The following SHANK2 variants were observed in gnomAD, a reference collection of about 807,000 sequenced individuals.
The protein encoded by SHANK2 is SH3 and multiple ankyrin repeat domains 2, also known as SH3 and multiple ankyrin repeat domains protein 2.
A neutral mutation model predicts 133.7 loss-of-function variants in SHANK2; 43 were observed. The observed-to-expected ratio is 0.32, with a 90% CI of 0.25 to 0.41. The LOEUF (loss-of-function observed/expected upper bound fraction) is 0.41. SHANK2 is among the 10% of genes least tolerant of loss of function. The pLI, the probability that SHANK2 is intolerant of heterozygous loss-of-function variation, is 1.00. For synonymous variants in SHANK2, 1,017 were observed against 952.8 expected (o/e 1.07, Z -1.24); for missense variants, 1,994 against 2,235.8 (o/e 0.89, Z 2.18).
chr11:70,857,575 G>A (rs949946558), intron 11 of SHANK2, among the ~76,000 whole-genome samples: 5 of 152,168 alleles, frequency 3.3e-5, no homozygotes, highest in Non-Finnish European at 5.9e-5. Context: ...GGAGGGCCAA[G>A]CCCTTGGGCA....
At chr11:70,936,713 G>C (rs1291872319) in intron 10 of SHANK2, among the ~76,000 whole-genome samples, 1 of 152,114 alleles carries the variant, frequency 6.6e-6, no homozygotes, top group African/African-American at 2.4e-5. Context: ...CAGGTTCATA[G>C]AGAGCTGGTG....
chr11:70,689,333 T>A (rs782594142), intron 15 of SHANK2, among the ~76,000 whole-genome samples: 4 of 152,098 alleles, frequency 2.6e-5, no homozygotes, highest in Non-Finnish European at 4.4e-5. Context: ...AATGGTCTAA[T>A]AGAGGAAATC....
Position 71,154,969 on chromosome 11 carries a change from G to A in SHANK2, c.-12-7631C>T, listed in dbSNP as rs1162399460. Among the ~76,000 whole-genome samples, 21 of 98,796 alleles carry A rather than the reference G, an allele frequency of 2.1e-4. 1 individual carries two copies. Among genetic ancestry groups the A allele is most frequent in the African/African-American group, 7.7e-4 (19 of 24,702 alleles). 64.8% of individuals were successfully genotyped at this position (98,796 alleles called of 152,430 possible). On this transcript the variant is annotated intron_variant, in intron 2 of 25. Transcript: ENST00000601538. ...GAGGGATGGACCTACCCCCGCCCAC[G>A]CTCCCAGAAGAGGGATGGACCTACC...
chr11:70,758,049 C>G (rs577248227), intron 14 of SHANK2, among the ~76,000 whole-genome samples: 2 of 152,298 alleles, frequency 1.3e-5, no homozygotes, highest in South Asian at 4.1e-4. Context: ...CACCTTTAAA[C>G]ACGGGGCTTG....
intron 17 of SHANK2, among the ~76,000 whole-genome samples, chr11:70,563,676 T>A (rs1554981312): frequency 6.6e-6 from 1 of 151,966 alleles, no homozygotes. Flanking sequence ...GTAGTTGGCA[T>A]TACAGGTGCA....
intron 15 of SHANK2, among the ~76,000 whole-genome samples, chr11:70,678,438 G>A (rs1253749789): frequency 3.3e-5 from 5 of 150,812 alleles, no homozygotes; most frequent in Non-Finnish European, 1.5e-5. Context: ...CCAGCCTCCT[G>A]CCTGTTCTTT....
chr11:70,697,088 A>G (rs1430471771), intron 15 of SHANK2, among the ~76,000 whole-genome samples: 2 of 152,240 alleles, frequency 1.3e-5, no homozygotes, highest in African/African-American at 4.8e-5. Flanking sequence ...GAAAGTAGAC[A>G]GGTTGGGAGC....
intron 17 of SHANK2, among the ~76,000 whole-genome samples, chr11:70,578,246 A>G (rs11236710): frequency 0.16 from 24,168 of 152,164 alleles, 2,016 homozygotes; most frequent in Non-Finnish European, 0.19. Context: ...GGATGCCTGC[A>G]GGGCACACTG....
At chr11:70,955,354 C>T (rs1950902851) in intron 10 of SHANK2, among the ~76,000 whole-genome samples, 1 of 151,776 alleles carries the variant, frequency 6.6e-6, no homozygotes, top group South Asian at 2.1e-4. Flanking sequence ...TGCTGGGAGG[C>T]AGGAACAACT....
chr11:70,797,790 T>C (rs2135217483), intron 14 of SHANK2, among the ~76,000 whole-genome samples: 1 of 151,660 alleles, frequency 6.6e-6, no homozygotes, highest in East Asian at 1.9e-4. Context: ...GACTGCTTTC[T>C]TCTTATAAGA....
At chr11:71,097,004 A>T (rs1205081892) in intron 6 of SHANK2, among the ~76,000 whole-genome samples, 3 of 152,168 alleles carry the variant, frequency 2.0e-5, no homozygotes, top group African/African-American at 7.2e-5. Context: ...GCATAAACGC[A>T]CCGGTGGAGA....
chr11:70,848,374 A>G (rs1439871662), intron 11 of SHANK2, among the ~76,000 whole-genome samples: 1 of 152,142 alleles, frequency 6.6e-6, no homozygotes, highest in Non-Finnish European at 1.5e-5. Context: ...GGCGGGGGTG[A>G]TCAACCCACC....
In SHANK2 at chr11:70,473,113, A is replaced by G. The variant is rs782348031; in HGVS notation, c.5306T>C (p.Leu1769Pro). 3 of 1,614,118 alleles carry G rather than the reference A, an allele frequency of 1.9e-6. No homozygotes were observed. Among genetic ancestry groups the G allele is most frequent in the African/African-American group, 2.7e-5 (2 of 74,930 alleles). The change falls in exon 26 of 26, where the codon CTG (leucine) becomes CCG (proline). Residue 1769 changes from leucine to proline, a missense_variant. Physicochemically the swap from Leu to Pro is moderately conservative, Grantham distance 98 (BLOSUM62 -3). Coordinates refer to ENST00000601538, the MANE Select transcript of SHANK2 (RefSeq NM_012309.5). The surrounding 1 kb of genome is among the most constrained non-coding windows in gnomAD (Gnocchi z 5.9). ...GRSRSPSPSI[L>P]QQPISNKPFT... ...AGGCTTATTTGAGATTGGCTGTTGC[A>G]GTATCGAGGGGGATGGCGACCTACT...
In SHANK2 at chr11:70,664,731, G is replaced by A. The variant is rs186871173; in HGVS notation, c.1854-3053C>T. 9.9e-4 allele frequency among the ~76,000 whole-genome samples: 151 copies of A among 152,314 alleles called. 1 individual carries two copies. The highest frequency in any genetic ancestry group is 1.8e-3 in the Non-Finnish European group (125 of 68,026). On this transcript the variant is annotated intron_variant, in intron 15 of 25. Coordinates refer to ENST00000601538, the MANE Select transcript of SHANK2 (RefSeq NM_012309.5). ...GACGGGAACTTCTTAGGGCCAGGGG[G>A]GCTGCCCAGACACTTGCTAGCTGTC...
chr11:70,502,735 G>GGC, intron 18 of SHANK2, 61 bp downstream of exon 18: 24 of 418,834 alleles, frequency 5.7e-5, no homozygotes, highest in South Asian at 1.5e-4. Context: ...TGTCCTGCCC[G>GGC]CCCCCACCCC....
At chr11:70,939,387 A>T (rs782241288) in intron 10 of SHANK2, among the ~76,000 whole-genome samples, 26 of 152,154 alleles carry the variant, frequency 1.7e-4, no homozygotes, top group Non-Finnish European at 2.9e-4. Flanking sequence ...CTGAGGAAGG[A>T]GAATCACTTG....
At chr11:71,205,955 G>A (rs1954119032) in intron 2 of SHANK2, among the ~76,000 whole-genome samples, 1 of 152,058 alleles carries the variant, frequency 6.6e-6, no homozygotes, top group African/African-American at 2.4e-5. Flanking sequence ...GGACCTCTGG[G>A]GAGAAAAGCT....
intron 17 of SHANK2, among the ~76,000 whole-genome samples, chr11:70,646,828 ATTTTATTTATTTAT>A (rs1181735831): frequency 6.9e-4 from 45 of 65,534 alleles, no homozygotes; most frequent in Non-Finnish European, 1.3e-3. Flanking sequence ...ACTTTTATTT[ATTTTATTTATTTAT>A]TTATTTATTT....
intron 15 of SHANK2, among the ~76,000 whole-genome samples, chr11:70,689,011 C>T (rs1302142931): frequency 6.6e-6 from 1 of 152,202 alleles, no homozygotes; most frequent in Non-Finnish European, 1.5e-5. Flanking sequence ...TGTCTCTAAG[C>T]CTCTCTTTTT....
Sources: allele counts gnomAD v4.1 joint callset (sites outside exome capture counted in the v4.1 genomes callset), GRCh38; gene constraint gnomAD v4.1.1; non-coding constraint Gnocchi (gnomAD v3.1); transcripts MANE v1.5; gene names NCBI Gene and HGNC (gene_info 2026-07-23, HGNC 2026-07-21).